The following CTNNA3 variants were observed in gnomAD, a reference collection of about 807,000 sequenced individuals.
CTNNA3 encodes catenin alpha 3.
Under a neutral mutation model 95.7 loss-of-function variants are expected in CTNNA3, and 76 were observed. The observed-to-expected ratio is 0.79, with a 90% CI of 0.66 to 0.96. The LOEUF is 0.96. Ranked by LOEUF, CTNNA3 falls within the 40% of genes least tolerant of loss-of-function variation. The pLI, the probability that CTNNA3 is intolerant of heterozygous loss-of-function variation, is 0.00. For missense variants in CTNNA3, 1,191 were observed against 1,089.8 expected (o/e 1.09, Z -1.31); for synonymous variants, 431 against 374.4 (o/e 1.15, Z -1.74).
At chr10:66,505,480 A>T (rs1840418966) in intron 11 of CTNNA3, among the ~76,000 whole-genome samples, 1 of 152,164 alleles carries the variant, frequency 6.6e-6, no homozygotes, top group South Asian at 2.1e-4. Flanking sequence ...AGGGGAAAAA[A>T]ATCTTACAGC....
chr10:66,597,538 A>T (rs1436829335), intron 10 of CTNNA3, among the ~76,000 whole-genome samples: 2 of 134,802 alleles, frequency 1.5e-5, no homozygotes, highest in African/African-American at 5.5e-5. Context: ...ATATATATAT[A>T]TATATATATA....
chr10:67,039,349 G>T (rs1854259235), intron 7 of CTNNA3, among the ~76,000 whole-genome samples: 1 of 152,056 alleles, frequency 6.6e-6, no homozygotes, highest in African/African-American at 2.4e-5. Flanking sequence ...ATTCTAAGAA[G>T]TTTTTTCTGG....
At chr10:66,046,179 C>G (rs192198988) in intron 15 of CTNNA3, among the ~76,000 whole-genome samples, 2 of 152,128 alleles carry the variant, frequency 1.3e-5, no homozygotes, top group South Asian at 2.1e-4. Flanking sequence ...GAACCTCCCC[C>G]ACCCAGAGAA....
At chr10:67,018,934 AT>A (rs1174160356) in intron 7 of CTNNA3, among the ~76,000 whole-genome samples, 1 of 152,214 alleles carries the variant, frequency 6.6e-6, no homozygotes, top group Non-Finnish European at 1.5e-5. Context: ...AAGGGAAACT[AT>A]TAAGACAAAC....
intron 7 of CTNNA3, among the ~76,000 whole-genome samples, chr10:67,019,366 G>A (rs1445574517): frequency 5.9e-5 from 9 of 152,096 alleles, no homozygotes; most frequent in Non-Finnish European, 8.8e-5. Context: ...TTACAGGCAT[G>A]TGCCACCACG....
chr10:67,721,691 T>C (rs1029854347), intron 1 of CTNNA3, among the ~76,000 whole-genome samples: 1 of 152,164 alleles, frequency 6.6e-6, no homozygotes. Flanking sequence ...CATCAAGTTT[T>C]GTTCTTTTGC....
chr10:67,606,084 G>A (rs1190120025), intron 3 of CTNNA3, among the ~76,000 whole-genome samples: 4 of 152,228 alleles, frequency 2.6e-5, no homozygotes, highest in Non-Finnish European at 4.4e-5. Context: ...TTAAAGTTAC[G>A]TTGGGGGATT....
intron 7 of CTNNA3, among the ~76,000 whole-genome samples, chr10:67,122,123 C>A (rs955128606): frequency 6.6e-6 from 1 of 151,092 alleles, no homozygotes; most frequent in Non-Finnish European, 1.5e-5. Flanking sequence ...AATTAAGAGA[C>A]CAGGTAAGGG....
chr10:66,049,190 A>G (rs545821126), intron 15 of CTNNA3, among the ~76,000 whole-genome samples: 115 of 152,216 alleles, frequency 7.6e-4, no homozygotes, highest in Non-Finnish European at 1.6e-3. Flanking sequence ...GAAAACAAGT[A>G]CAACATCACT....
intron 10 of CTNNA3, among the ~76,000 whole-genome samples, chr10:66,620,186 C>A (rs1844695596): frequency 6.6e-6 from 1 of 151,926 alleles, no homozygotes. Flanking sequence ...ACCAGGACAC[C>A]CAGTAGGTGC....
At chr10:66,342,988 A>G (rs2092468986) in intron 12 of CTNNA3, among the ~76,000 whole-genome samples, 1 of 152,224 alleles carries the variant, frequency 6.6e-6, no homozygotes, top group Non-Finnish European at 1.5e-5. Context: ...ACCATTTCAC[A>G]TATATGAATA....
At position 66,488,729 on chromosome 10, in the gene CTNNA3, G is replaced by A. The variant is rs763584546; in HGVS notation, c.1531+31888C>T. Among the ~76,000 whole-genome samples, 56 of 152,032 alleles carry A rather than the reference G, an allele frequency of 3.7e-4. 1 individual carries two copies. Among genetic ancestry groups the A allele is most frequent in the Non-Finnish European group, 6.6e-4 (45 of 68,004 alleles). ...AACAGCTGTCTAATAGATTATATAT[G>A]AGTAACTGGCACATGGGAAGAGGTC... is the stretch of plus-strand genomic sequence containing the variant. On this transcript the variant is annotated intron_variant, in intron 11 of 17. Coordinates refer to ENST00000433211, the MANE Select transcript of CTNNA3 (RefSeq NM_013266.4).
intron 11 of CTNNA3, among the ~76,000 whole-genome samples, chr10:66,405,926 T>G (rs1399170053): frequency 1.3e-5 from 2 of 152,096 alleles, no homozygotes; most frequent in African/African-American, 2.4e-5. Context: ...AGGGTGGAAA[T>G]AGTCATATTT....
chr10:67,487,085 A>G (rs893753044), intron 5 of CTNNA3, among the ~76,000 whole-genome samples: 1 of 152,152 alleles, frequency 6.6e-6, no homozygotes, highest in Non-Finnish European at 1.5e-5. Flanking sequence ...ATTCTGCCCA[A>G]TGCTTCAGAG....
intron 10 of CTNNA3, among the ~76,000 whole-genome samples, chr10:66,548,534 C>A (rs1158600668): frequency 6.6e-6 from 1 of 152,018 alleles, no homozygotes; most frequent in African/African-American, 2.4e-5. Context: ...TTTCAAGTAT[C>A]ATTATTCCAT....
intron 9 of CTNNA3, among the ~76,000 whole-genome samples, chr10:66,655,679 T>G (rs931293157): frequency 5.3e-5 from 8 of 152,084 alleles, no homozygotes; most frequent in Non-Finnish European, 1.0e-4. Context: ...ATTCTGATAG[T>G]AAGGAAGGAA....
At chr10:67,703,658 C>A (rs1233852768) in intron 1 of CTNNA3, among the ~76,000 whole-genome samples, 2 of 152,176 alleles carry the variant, frequency 1.3e-5, no homozygotes, top group African/African-American at 4.8e-5. Context: ...GACAGACCCA[C>A]AGCCAATATC....
intron 15 of CTNNA3, among the ~76,000 whole-genome samples, chr10:66,007,018 C>CT (rs1429531113): frequency 1.3e-5 from 2 of 151,938 alleles, no homozygotes; most frequent in African/African-American, 2.4e-5. Flanking sequence ...TTTGGCATGC[C>CT]CCCCGCACCC....
At chr10:67,445,311 AG>A (rs1294557979) in intron 5 of CTNNA3, among the ~76,000 whole-genome samples, 7 of 152,222 alleles carry the variant, frequency 4.6e-5, no homozygotes, top group African/African-American at 1.7e-4. Context: ...ACAAAATAAC[AG>A]GCATAAGTTC....
Sources: gnomAD v4.1 joint callset for allele counts (sites outside exome capture counted in the v4.1 genomes callset) on GRCh38, gnomAD v4.1.1 for gene constraint, MANE v1.5 for transcripts, NCBI Gene and HGNC (gene_info 2026-07-23, HGNC 2026-07-21) for gene names.